The following PDE3A variants were observed in gnomAD, a reference collection of about 807,000 sequenced individuals.
PDE3A encodes the protein cGMP-inhibited 3',5'-cyclic phosphodiesterase 3A.
Under a neutral mutation model 98.3 loss-of-function variants are expected in PDE3A, and 43 were observed. The observed-to-expected ratio is 0.44, with a 90% CI of 0.34 to 0.56. The LOEUF is 0.56. PDE3A is among the 20% of genes least tolerant of loss of function. The probability of loss-of-function intolerance (pLI) is 0.01; values close to 1 mark genes in which losing one functional copy is unlikely to be tolerated. For synonymous variants in PDE3A, 663 were observed against 567.9 expected (o/e 1.17, Z -2.38); for missense variants, 1,427 against 1,440.7 (o/e 0.99, Z 0.15).
chr12:20,665,634 G>T (rs1434559278), intron 15 of PDE3A, among the ~76,000 whole-genome samples: 1 of 152,030 alleles, frequency 6.6e-6, no homozygotes, highest in Non-Finnish European at 1.5e-5. Context: ...TTAATAGACA[G>T]AAGCAAATAA....
chr12:20,431,379 C>T (rs1944694428), intron 1 of PDE3A, among the ~76,000 whole-genome samples: 1 of 152,016 alleles, frequency 6.6e-6, no homozygotes, highest in East Asian at 1.9e-4. Flanking sequence ...AGTTCTCATC[C>T]TTTGAGAGTA....
chr12:20,413,633 G>A (rs1359542280), intron 1 of PDE3A, among the ~76,000 whole-genome samples: 1 of 152,172 alleles, frequency 6.6e-6, no homozygotes, highest in East Asian at 1.9e-4. Flanking sequence ...CAACAAGTGT[G>A]AGATGAGACA....
chr12:20,444,268 G>A (rs964892294), intron 1 of PDE3A, among the ~76,000 whole-genome samples: 1 of 151,996 alleles, frequency 6.6e-6, no homozygotes, highest in African/African-American at 2.4e-5. Flanking sequence ...CTCCTGACCT[G>A]TCCATCACGA....
At chr12:20,464,246 A>G (rs764832333) in intron 1 of PDE3A, among the ~76,000 whole-genome samples, 7 of 152,220 alleles carry the variant, frequency 4.6e-5, no homozygotes, top group South Asian at 2.1e-4. Context: ...ATAATTGCAT[A>G]ATAATTCAAC....
In PDE3A at chr12:20,502,689, T is replaced by G. The variant is rs181696201; in HGVS notation, c.961-53971T>G. On this transcript the variant is annotated intron_variant, in intron 1 of 15. Transcript: ENST00000359062. ...GTTTTAACATCATCCAATCTAACCT[T>G]TCCAGTTTATATCAAGGAAACTAAG... 1.3e-4 allele frequency among the ~76,000 whole-genome samples: 20 copies of G among 152,252 alleles called. 1 individual carries two copies. In the East Asian group the frequency reaches 3.7e-3, roughly 28 times the overall value.
At chr12:20,458,207 A>G (rs1945186018) in intron 1 of PDE3A, among the ~76,000 whole-genome samples, 1 of 152,040 alleles carries the variant, frequency 6.6e-6, no homozygotes, top group Non-Finnish European at 1.5e-5. Context: ...CTTTGCCTCA[A>G]GATTGTTAAT....
At chr12:20,527,338 GT>G in intron 1 of PDE3A, among the ~76,000 whole-genome samples, 1 of 152,284 alleles carries the variant, frequency 6.6e-6, no homozygotes, top group South Asian at 2.1e-4. Context: ...AGGAGAGTTA[GT>G]TAAGTATTTC....
At chr12:20,507,804 T>C (rs1255381088) in intron 1 of PDE3A, among the ~76,000 whole-genome samples, 3 of 152,138 alleles carry the variant, frequency 2.0e-5, no homozygotes, top group African/African-American at 7.2e-5. Context: ...CCATCTCTGC[T>C]GCTACAACTC....
intron 15 of PDE3A, among the ~76,000 whole-genome samples, chr12:20,678,129 C>A (rs1945687062): frequency 6.6e-6 from 1 of 152,118 alleles, no homozygotes; most frequent in East Asian, 1.9e-4. Flanking sequence ...GTTTCAGAGA[C>A]CACATGGGTT....
intron 1 of PDE3A, among the ~76,000 whole-genome samples, chr12:20,410,833 T>C (rs1380005953): frequency 6.6e-6 from 1 of 152,166 alleles, no homozygotes; most frequent in East Asian, 1.9e-4. Context: ...ACATGAAAAC[T>C]GGCTCCCCTC....
rs572815140 is a variant in PDE3A at position 20,426,697 on chromosome 12, A to T, written c.960+56453A>T. Among the ~76,000 whole-genome samples the T allele has an allele frequency of 8.5e-5, 13 of 152,362 alleles. No individual in the cohort carries two copies. In the East Asian group the frequency reaches 2.5e-3, roughly 29 times the overall value. On this transcript the variant is annotated intron_variant, in intron 1 of 15. Transcript: ENST00000359062. The stretch of plus-strand genomic sequence containing the variant: ...TATATTGCCCTAGAAAACAAAGAGT[A>T]GAATCAATATAATGAAAGTACCATG...
At chr12:20,668,571 AC>A (rs1045824957) in intron 15 of PDE3A, among the ~76,000 whole-genome samples, 41 of 151,950 alleles carry the variant, frequency 2.7e-4, no homozygotes, top group Admixed American at 6.6e-5. Context: ...ACTGGGAGGC[AC>A]CCCCCAGTAG....
At chr12:20,643,681 A>G (rs1944698296) in intron 10 of PDE3A, among the ~76,000 whole-genome samples, 1 of 152,194 alleles carries the variant, frequency 6.6e-6, no homozygotes, top group Non-Finnish European at 1.5e-5. Context: ...GAACATGTTT[A>G]AATATACATA....
At chr12:20,596,661 T>A (rs1056291121) in intron 2 of PDE3A, among the ~76,000 whole-genome samples, 1 of 152,088 alleles carries the variant, frequency 6.6e-6, no homozygotes, top group East Asian at 1.9e-4. Context: ...GTATCAGAAA[T>A]AGAGAGAATA....
intron 1 of PDE3A, among the ~76,000 whole-genome samples, chr12:20,524,996 G>A (rs1253381670): frequency 6.6e-6 from 1 of 152,146 alleles, no homozygotes; most frequent in African/African-American, 2.4e-5. Flanking sequence ...GCCAGACATG[G>A]TGGTGCATGC....
chr12:20,514,644 C>T (rs1946284020), intron 1 of PDE3A, among the ~76,000 whole-genome samples: 1 of 152,142 alleles, frequency 6.6e-6, no homozygotes, highest in Admixed American at 6.5e-5. Context: ...TTTAGCTTTG[C>T]AGTTATAGAT....
chr12:20,646,823 A>G lies in PDE3A; in HGVS notation c.2438A>G (p.Lys813Arg), dbSNP rs1944787488. 2 of 1,611,130 alleles carry G rather than the reference A, an allele frequency of 1.2e-6. No individual in the cohort carries two copies. Among genetic ancestry groups the G allele is most frequent in the Non-Finnish European group, 1.7e-6 (2 of 1,177,248 alleles). ...AAAACGTATAATGTGACAGATGATA[A>G]ATACGGATGTCTGTCTGGGAATATC... ...FSKTYNVTDD[K>R]YGCLSGNIPA... The change falls in exon 12 of 16, where the codon AAA becomes AGA. Residue 813 changes from lysine (K) to arginine (R), a missense_variant. Physicochemically the swap from Lys to Arg is conservative, Grantham distance 26. Around this residue, in one of 3 missense-constraint regions of PDE3A, gnomAD observed 273 missense variants for 420.3 expected, o/e 0.65. Transcript: ENST00000359062.
intron 15 of PDE3A, among the ~76,000 whole-genome samples, chr12:20,672,353 A>C (rs1282610694): frequency 2.5e-5 from 3 of 121,028 alleles, no homozygotes; most frequent in Non-Finnish European, 3.5e-5. Flanking sequence ...ACTACTTTAA[A>C]GTTCATATGG....
At chr12:20,428,948 A>G (rs1591922164) in intron 1 of PDE3A, among the ~76,000 whole-genome samples, 1 of 152,368 alleles carries the variant, frequency 6.6e-6, no homozygotes, top group East Asian at 1.9e-4. Flanking sequence ...GTAGTCACCC[A>G]AAGAGCTGAG....
Sources: gnomAD v4.1 joint callset for allele counts (sites outside exome capture counted in the v4.1 genomes callset) on GRCh38, gnomAD v4.1.1 for gene constraint, gnomAD v4.1.1 regional missense constraint, MANE v1.5 for transcripts, NCBI Gene and HGNC (gene_info 2026-07-23, HGNC 2026-07-21) for gene names.